Variants in SYNE1 observed in about 807,000 individuals in gnomAD.
The protein encoded by SYNE1 is spectrin repeat containing nuclear envelope protein 1.
Under a neutral mutation model 1,111.0 loss-of-function variants are expected in SYNE1, and 616 were observed. The observed-to-expected ratio is 0.55, with a 90% confidence interval of 0.52 to 0.59. The LOEUF is 0.59. Among genes scored for constraint, SYNE1 ranks in the 20% least tolerant of loss-of-function variants. The probability of loss-of-function intolerance (pLI) is 0.00; values close to 1 mark genes in which losing one functional copy is unlikely to be tolerated. For missense variants in SYNE1, 10,006 were observed against 10,417.0 expected (o/e 0.96, Z 1.72); for synonymous variants, 3,855 against 3,825.8 (o/e 1.01, Z -0.28).
At chr6:152,289,555 T>C (rs35764964) in intron 95 of SYNE1, among the ~76,000 whole-genome samples, 25,362 of 152,178 alleles carry the variant, frequency 0.17, 3,847 homozygotes, top group African/African-American at 0.4. Flanking sequence ...CATGCCCAGC[T>C]AATTTTTGTA....
At chr6:152,554,806 C>T (rs1055614593) in intron 3 of SYNE1, among the ~76,000 whole-genome samples, 4 of 152,158 alleles carry the variant, frequency 2.6e-5, no homozygotes, top group African/African-American at 9.7e-5. Context: ...AGAGCCTACA[C>T]AAATAAAAAA....
At chr6:152,151,902 C>T in intron 134 of SYNE1, 57 bp downstream of exon 134, 1 of 1,595,274 alleles carries the variant, frequency 6.3e-7, no homozygotes, top group Non-Finnish European at 8.6e-7. Flanking sequence ...AGACTGCATT[C>T]AAATGGCCCA....
chr6:152,443,138 G>A (rs1212524670), intron 30 of SYNE1, among the ~76,000 whole-genome samples: 1 of 151,864 alleles, frequency 6.6e-6, no homozygotes, highest in African/African-American at 2.4e-5. Context: ...AAAAGTACCT[G>A]GCCTAAGCAT....
intron 3 of SYNE1, among the ~76,000 whole-genome samples, chr6:152,559,857 G>A (rs1477503598): frequency 6.6e-6 from 1 of 151,986 alleles, no homozygotes; most frequent in Non-Finnish European, 1.5e-5. Context: ...TTTTTGAAAA[G>A]ATAAACACAA....
intron 128 of SYNE1, among the ~76,000 whole-genome samples, chr6:152,186,619 G>C (rs1391041907): frequency 7.2e-6 from 1 of 139,292 alleles, no homozygotes; most frequent in East Asian, 2.1e-4. Flanking sequence ...AATTAGAAGG[G>C]AAGAAACAGT....
At chr6:152,160,543 C>T (rs1049303537) in intron 131 of SYNE1, among the ~76,000 whole-genome samples, 8 of 152,232 alleles carry the variant, frequency 5.3e-5, no homozygotes, top group South Asian at 2.1e-4. Flanking sequence ...TGCTTTAGTG[C>T]GTGTAGCATA....
At position 152,308,478 on chromosome 6, in the gene SYNE1, A is replaced by C; in HGVS notation, c.17346+11T>G. 1 of 1,614,122 alleles carries C rather than the reference A, an allele frequency of 6.2e-7. No individual in the cohort carries two copies. Among genetic ancestry groups the C allele is most frequent in the Non-Finnish European group, 8.5e-7 (1 of 1,180,034 alleles). ...TTCCTGCCCTCGGTATTTCGCCTAC[A>C]TTCCTCTCACCTCATGCCGAGAAAT... On this transcript the variant is annotated intron_variant, in intron 91 of 145. Coordinates refer to ENST00000367255, the MANE Select transcript of SYNE1 (RefSeq NM_182961.4).
At chr6:152,485,012 A>T (rs759140038) in intron 12 of SYNE1, 40 bp from the exon 13 acceptor site, 5 of 1,599,760 alleles carry the variant, frequency 3.1e-6, no homozygotes, top group Non-Finnish European at 3.4e-6. Context: ...CAATGAGTCA[A>T]AAAAAGCAAA....
chr6:152,287,407 A>T (rs2094393201), intron 95 of SYNE1, among the ~76,000 whole-genome samples: 1 of 152,162 alleles, frequency 6.6e-6, no homozygotes, highest in Admixed American at 6.5e-5. Context: ...CACAATCTTA[A>T]TTATTGTAGC....
rs749981989 is a variant in SYNE1 at position 152,225,851 on chromosome 6, T to G, written c.21221A>C (p.Lys7074Thr). Residue 7074 changes from lysine (K) to threonine (T), a missense_variant, in exon 116 of 146, where the codon AAA becomes ACA. By Grantham distance (78) the Lys-to-Thr change is moderately conservative. Coordinates refer to ENST00000367255, the MANE Select transcript of SYNE1 (RefSeq NM_182961.4). ...CQDLEDLIKA[K>T]EKEVEKIEQN... ...CTCAATTTTCTCTACTTCTTTTTCT[T>G]TTGCTTTAATCAAATCTTCCAGATC... 2.5e-6 allele frequency: 4 copies of G among 1,613,606 alleles called. No individual in the cohort carries two copies. In the East Asian group the frequency reaches 8.9e-5, roughly 36 times the overall value.
chr6:152,596,860 C>T (rs1017440320), intron 3 of SYNE1, among the ~76,000 whole-genome samples: 2 of 152,148 alleles, frequency 1.3e-5, no homozygotes, highest in Non-Finnish European at 2.9e-5. Context: ...CTTACCAGAG[C>T]AGTTGGTTTA....
intron 93 of SYNE1, among the ~76,000 whole-genome samples, chr6:152,297,631 A>G (rs1000697176): frequency 6.6e-6 from 1 of 152,252 alleles, no homozygotes; most frequent in African/African-American, 2.4e-5. Flanking sequence ...ATGTAAAGTA[A>G]TACTATTACT....
At chr6:152,400,218 A>C (rs1310662528) in intron 47 of SYNE1, among the ~76,000 whole-genome samples, 3 of 150,170 alleles carry the variant, frequency 2.0e-5, no homozygotes, top group Admixed American at 6.6e-5. Flanking sequence ...CCAGTAGTTA[A>C]TTTAAAAAAA....
chr6:152,506,668 A>G (rs549805661), intron 8 of SYNE1, among the ~76,000 whole-genome samples: 213 of 152,102 alleles, frequency 1.4e-3, no homozygotes, highest in Non-Finnish European at 2.4e-3. Flanking sequence ...CAGCCTCCCA[A>G]GTAGCTGGGA....
In SYNE1 at chr6:152,244,571, T is replaced by C; in HGVS notation, c.19658A>G (p.Glu6553Gly). 4.3e-6 allele frequency: 7 copies of C among 1,614,112 alleles called. No individual in the cohort carries two copies. The highest frequency in any genetic ancestry group is 5.1e-6 in the Non-Finnish European group (6 of 1,179,982). The part of the protein sequence containing the change: ...LKRRGDKLQV[E>G]QPSMQELSKL... ...GGAGAGTTCTTGCATGGACGGCTGC[T>C]CGACCTGTAGCTTGTCACCACGCCT... Residue 6553 changes from glutamate (E) to glycine (G), a missense_variant, in exon 106 of 146, where the codon GAG (glutamate) becomes GGG (glycine). Glu to Gly is a moderately conservative substitution (Grantham distance 98). Around this residue, in one of 7 missense-constraint regions of SYNE1, gnomAD observed 2,182 missense variants for 2,287.8 expected, o/e 0.95. Coordinates refer to ENST00000367255, the MANE Select transcript of SYNE1 (RefSeq NM_182961.4).
At chr6:152,129,157 C>T (rs146433800) in intron 145 of SYNE1, 4 of 152,318 alleles carry the variant, frequency 2.6e-5, no homozygotes, top group South Asian at 2.1e-4. Flanking sequence ...CCCTAAGAAA[C>T]GATGCCTTCG....
intron 8 of SYNE1, among the ~76,000 whole-genome samples, chr6:152,508,861 C>T (rs533837849): frequency 1.2e-4 from 19 of 152,344 alleles, no homozygotes; most frequent in Admixed American, 6.5e-4. Flanking sequence ...ACCAGCAACA[C>T]ACTTTAAAAG....
rs1369816023 is a variant in SYNE1 at position 152,605,027 on chromosome 6, AGAGAGAGAGG to A, written c.67+23228_67+23237del. Among the ~76,000 whole-genome samples, 56 of 67,736 alleles carry A rather than the reference AGAGAGAGAGG, an allele frequency of 8.3e-4. 1 individual carries two copies. Among genetic ancestry groups the A allele is most frequent in the African/African-American group, 3.4e-3 (47 of 13,968 alleles). The allele number at this position is 67,736 out of a possible 152,430, so 44.4% of individuals were successfully genotyped here. On this transcript the variant is annotated intron_variant, in intron 3 of 145. Transcript: ENST00000367255. The stretch of plus-strand genomic sequence containing the variant: ...AAGAAAGAGAGAGAGAGAGAGAGAG[AGAGAGAGAGG>A]GAGGGAGGGAGGGAGGGAGGGAGGG...
Position 152,381,156 on chromosome 6 carries a change from A to G in SYNE1, c.8859T>C (p.Leu2953=). 1 of 1,614,190 alleles carries G rather than the reference A, an allele frequency of 6.2e-7. No homozygotes were observed. Among genetic ancestry groups the G allele is most frequent in the Non-Finnish European group, 8.5e-7 (1 of 1,180,034 alleles). The change falls in exon 56 of 146, where the codon CTT becomes CTC. Residue 2953 remains leucine, a synonymous_variant. Transcript: ENST00000367255. The part of the protein sequence containing the change: ...CLENLVSQMA[L]SEQEFSGQVA... ...CTTGGCCTGAGAATTCCTGCTCCGA[A>G]AGGGCCATCTGGCTGACCAGGTTCT... is the stretch of plus-strand genomic sequence containing the variant.
Sources: allele counts gnomAD v4.1 joint callset (sites outside exome capture counted in the v4.1 genomes callset), GRCh38; gene constraint gnomAD v4.1.1; regional missense constraint gnomAD v4.1.1; transcripts MANE v1.5; gene names NCBI Gene and HGNC (gene_info 2026-07-23, HGNC 2026-07-21).